LRRTM4: variants seen among roughly 807,000 people sequenced by gnomAD.
LRRTM4 encodes the protein leucine rich repeat transmembrane neuronal 4.
In LRRTM4, 25 loss-of-function variants were observed where a neutral mutation model predicts 47.6. The observed-to-expected ratio is 0.53, with a 90% CI of 0.38 to 0.73. The LOEUF (loss-of-function observed/expected upper bound fraction) is 0.73. LRRTM4 is among the 30% of genes least tolerant of loss of function. The pLI is 0.00. For missense variants in LRRTM4, 638 were observed against 713.4 expected, an observed-to-expected ratio of 0.89 and a Z score of 1.20; for synonymous variants, 311 against 269.5, an observed-to-expected ratio of 1.15 and a Z score of -1.51.
At chr2:76,791,190 C>T (rs1674951416) in intron 3 of LRRTM4, among the ~76,000 whole-genome samples, 1 of 152,108 alleles carries the variant, frequency 6.6e-6, no homozygotes, top group South Asian at 2.1e-4. Context: ...GGCATTAGAG[C>T]TGGAAGTGAT....
intron 3 of LRRTM4, among the ~76,000 whole-genome samples, chr2:76,750,644 G>T (rs7590874): frequency 0.063 from 9,561 of 152,164 alleles, 894 homozygotes; most frequent in African/African-American, 0.2. Flanking sequence ...ATACTGCAGG[G>T]AGTTAACCAG....
intron 3 of LRRTM4, among the ~76,000 whole-genome samples, chr2:77,420,717 A>T (rs774111851): frequency 6.7e-6 from 1 of 148,822 alleles, no homozygotes; most frequent in Admixed American, 6.8e-5. Context: ...AATTCAGAGA[A>T]TATAATCTGG....
chr2:77,347,739 A>G (rs1468017995), intron 3 of LRRTM4, among the ~76,000 whole-genome samples: 1 of 152,148 alleles, frequency 6.6e-6, no homozygotes, highest in South Asian at 2.1e-4. Flanking sequence ...AAAAGTTTCT[A>G]AACTTGATTT....
chr2:77,032,772 A>G (rs1224827808), intron 3 of LRRTM4, among the ~76,000 whole-genome samples: 1 of 152,092 alleles, frequency 6.6e-6, no homozygotes, highest in Non-Finnish European at 1.5e-5. Context: ...TTTCTGATTT[A>G]TAAACAGCAT....
intron 3 of LRRTM4, among the ~76,000 whole-genome samples, chr2:77,503,321 G>A (rs1044730753): frequency 1.5e-4 from 22 of 151,654 alleles, no homozygotes; most frequent in African/African-American, 5.3e-4. Flanking sequence ...ATTGCTTATG[G>A]AGTATGAGGG....
intron 3 of LRRTM4, among the ~76,000 whole-genome samples, chr2:76,813,358 T>C (rs770502668): frequency 6.6e-6 from 1 of 152,160 alleles, no homozygotes; most frequent in Non-Finnish European, 1.5e-5. Flanking sequence ...ATCAAATGTC[T>C]CATAAGATGT....
chr2:76,805,608 T>A (rs1359845357), intron 3 of LRRTM4, among the ~76,000 whole-genome samples: 1 of 152,194 alleles, frequency 6.6e-6, no homozygotes, highest in Non-Finnish European at 1.5e-5. Context: ...TGAGTGTTCA[T>A]TTAAATTAAT....
At chr2:76,768,511 C>T (rs1019620865) in intron 3 of LRRTM4, among the ~76,000 whole-genome samples, 1 of 152,100 alleles carries the variant, frequency 6.6e-6, no homozygotes, top group Non-Finnish European at 1.5e-5. Context: ...TCTAGAGATA[C>T]ACAAATTATC....
intron 3 of LRRTM4, among the ~76,000 whole-genome samples, chr2:76,991,053 T>C (rs1676988742): frequency 1.3e-5 from 2 of 151,592 alleles, no homozygotes; most frequent in South Asian, 4.1e-4. Context: ...GACTTTTGGG[T>C]AAAAAAGAAA....
rs552021901 is a variant in LRRTM4, at chr2:77,048,524, GA to G, written c.1552-299609del. 2.2e-4 allele frequency among the ~76,000 whole-genome samples: 33 copies of G among 151,992 alleles called. No homozygotes were observed. The East Asian group carries it at 4.6e-3, about 21-fold the overall frequency. On this transcript the variant is annotated intron_variant, in intron 3 of 3. Transcript: ENST00000409884. The stretch of plus-strand genomic sequence containing the variant: ...TATGCATATGATTAAAACCATGCTG[GA>G]AAAGAGTTCTAAATAAAAATTCTAT...
intron 3 of LRRTM4, among the ~76,000 whole-genome samples, chr2:76,892,639 A>G (rs1014471411): frequency 6.6e-6 from 1 of 151,714 alleles, no homozygotes; most frequent in Non-Finnish European, 1.5e-5. Flanking sequence ...AATAGGTTTA[A>G]TTTTCAGGAA....
intron 3 of LRRTM4, among the ~76,000 whole-genome samples, chr2:77,351,826 T>A (rs1016166734): frequency 6.6e-6 from 1 of 152,078 alleles, no homozygotes; most frequent in Admixed American, 6.5e-5. Flanking sequence ...CAAACATTTT[T>A]TTCCTGTGTG....
Position 76,963,437 on chromosome 2 carries a change from T to C in LRRTM4, c.1552-214521A>G, listed in dbSNP as rs534224947. 4.0e-5 allele frequency among the ~76,000 whole-genome samples: 6 copies of C among 150,984 alleles called. No individual in the cohort carries two copies. The South Asian group carries it at 1.2e-3, about 31-fold the overall frequency. ...TTAAAACAGATTTCTCATCAGAAAA[T>C]GGCTAAACCACATGATCAGGCAATA... On this transcript the variant is annotated intron_variant, in intron 3 of 3. Coordinates refer to ENST00000409884, the MANE Select transcript of LRRTM4 (RefSeq NM_001134745.3).
intron 3 of LRRTM4, among the ~76,000 whole-genome samples, chr2:77,439,032 G>A (rs1205216182): frequency 1.3e-5 from 2 of 152,120 alleles, no homozygotes; most frequent in Non-Finnish European, 2.9e-5. Flanking sequence ...AAGTCAAAGA[G>A]TAACTCAAAA....
At position 77,018,888 on chromosome 2, in the gene LRRTM4, T is replaced by C. The variant is rs1392491730; in HGVS notation, c.1552-269972A>G. On this transcript the variant is annotated intron_variant, in intron 3 of 3. Transcript: ENST00000409884. ...TTTAAGGTACAGGAATATTTTAGTC[T>C]AATTTTACAATGGATTTGTGTTTGA... Among the ~76,000 whole-genome samples the C allele has an allele frequency of 3.3e-5, 5 of 152,280 alleles. No individual in the cohort carries two copies. In the East Asian group the frequency reaches 5.8e-4, roughly 18 times the overall value.
At chr2:77,514,522 G>T (rs1210634650) in intron 3 of LRRTM4, among the ~76,000 whole-genome samples, 2 of 151,930 alleles carry the variant, frequency 1.3e-5, no homozygotes, top group African/African-American at 4.8e-5. Flanking sequence ...GCTCAATTTT[G>T]AAGAAAGTAA....
intron 3 of LRRTM4, among the ~76,000 whole-genome samples, chr2:76,956,658 A>G (rs954008937): frequency 1.3e-5 from 2 of 151,250 alleles, no homozygotes; most frequent in African/African-American, 4.8e-5. Flanking sequence ...TAATAAAATT[A>G]AGGAGATTTT....
chr2:77,121,051 G>A (rs1170687780), intron 3 of LRRTM4, among the ~76,000 whole-genome samples: 2 of 151,698 alleles, frequency 1.3e-5, no homozygotes, highest in Admixed American at 6.6e-5. Flanking sequence ...AGATAATGAC[G>A]AGAGGATGAA....
chr2:77,332,101 T>C (rs1485722719), intron 3 of LRRTM4, among the ~76,000 whole-genome samples: 1 of 152,168 alleles, frequency 6.6e-6, no homozygotes, highest in Non-Finnish European at 1.5e-5. Flanking sequence ...GAAAAATCCT[T>C]TTCATATTTT....
Sources: gnomAD v4.1 joint callset for allele counts (sites outside exome capture counted in the v4.1 genomes callset) on GRCh38, gnomAD v4.1.1 for gene constraint, MANE v1.5 for transcripts, NCBI Gene and HGNC (gene_info 2026-07-23, HGNC 2026-07-21) for gene names.